Variants in ZC3H13 observed in about 807,000 individuals in gnomAD.
ZC3H13 encodes zinc finger CCCH-type containing 13, also known as zinc finger CCCH domain-containing protein 13.
ZC3H13 carries 64 observed loss-of-function variants against 204.1 expected under a neutral mutation model. The observed-to-expected ratio is 0.31, with a 90% CI of 0.26 to 0.39. The LOEUF is 0.39. ZC3H13 is among the 10% of genes least tolerant of loss of function. ZC3H13 has a pLI of 1.00. For synonymous variants in ZC3H13, 667 were observed against 693.7 expected (o/e 0.96, Z 0.60); for missense variants, 1,833 against 2,082.7 (o/e 0.88, Z 2.33).
At chr13:46,044,196 A>G (rs2043785274) in intron 3 of ZC3H13, among the ~76,000 whole-genome samples, 3 of 151,636 alleles carry the variant, frequency 2.0e-5, no homozygotes, top group African/African-American at 7.3e-5. Context: ...AAAAATTCCA[A>G]TTGCTAATGT....
intron 7 of ZC3H13, among the ~76,000 whole-genome samples, chr13:46,004,907 A>G (rs993100488): frequency 6.6e-5 from 10 of 152,292 alleles, no homozygotes; most frequent in Admixed American, 2.0e-4. Flanking sequence ...AATTTAAGTA[A>G]TTTTAAGTAA....
At chr13:46,010,320 T>G in intron 7 of ZC3H13, 28 bp downstream of exon 7, 1 of 1,518,784 alleles carries the variant, frequency 6.6e-7, no homozygotes. Context: ...AAAGCTATTT[T>G]CTCGATACTA....
chr13:46,014,381 G>A (rs1254860604), intron 5 of ZC3H13, among the ~76,000 whole-genome samples: 2 of 151,976 alleles, frequency 1.3e-5, no homozygotes, highest in South Asian at 2.1e-4. Flanking sequence ...AGGCCCTGGT[G>A]TGTGATGTTC....
intron 12 of ZC3H13, among the ~76,000 whole-genome samples, chr13:45,972,379 G>A (rs1389415754): frequency 6.6e-6 from 1 of 152,082 alleles, no homozygotes; most frequent in Non-Finnish European, 1.5e-5. Context: ...ACCTGTAAGT[G>A]AGAGCTAAGC....
intron 4 of ZC3H13, among the ~76,000 whole-genome samples, chr13:46,039,228 C>G (rs749256166): frequency 1.4e-4 from 21 of 152,122 alleles, no homozygotes; most frequent in Non-Finnish European, 1.9e-4. Context: ...TAACAAAATG[C>G]CAACTTTACT....
chr13:45,992,866 A>C (rs1459702338), intron 8 of ZC3H13, among the ~76,000 whole-genome samples: 1 of 152,082 alleles, frequency 6.6e-6, no homozygotes, highest in Non-Finnish European at 1.5e-5. Flanking sequence ...CTTGCTTCTC[A>C]GGTCTTACAC....
chr13:46,016,600 G>T (rs907763636), intron 5 of ZC3H13, among the ~76,000 whole-genome samples: 1 of 152,010 alleles, frequency 6.6e-6, no homozygotes, highest in Non-Finnish European at 1.5e-5. Flanking sequence ...GTGACTAGAA[G>T]AAAACACAAG....
In ZC3H13 at chr13:46,003,433, T is replaced by C. The variant is rs1431741760; in HGVS notation, c.747-97A>G. On this transcript the variant is annotated intron_variant, in intron 7 of 18. Transcript: ENST00000679008. ...AACAGCAGCGTTCCTTTACATTACT[T>C]GCCCTTTATTATTTTGTATACTACT... The C allele has an allele frequency of 2.6e-6, 3 of 1,145,152 alleles. No individual in the cohort carries two copies. In the African/African-American group the frequency reaches 4.7e-5, roughly 18 times the overall value. The allele number at this position is 1,145,152 out of a possible 1,614,324, so 70.9% of individuals were successfully genotyped here. A position where few individuals can be genotyped will look rare whatever the true frequency, so the allele number is the denominator to read the frequency against.
chr13:46,014,041 A>G (rs547867374), intron 5 of ZC3H13, among the ~76,000 whole-genome samples: 26 of 152,180 alleles, frequency 1.7e-4, no homozygotes, highest in Non-Finnish European at 3.7e-4. Flanking sequence ...CAAATAAAGG[A>G]CATACTCATT....
At position 45,955,996 on chromosome 13, in the gene ZC3H13, A is replaced by G. The variant is rs1333905671; in HGVS notation, c.*1131T>C. The G allele has an allele frequency of 1.3e-5, 2 of 152,112 alleles. No individual in the cohort carries two copies. Among genetic ancestry groups the G allele is most frequent in the Non-Finnish European group, 2.9e-5 (2 of 67,984 alleles). 9.4% of individuals were successfully genotyped at this position (152,112 alleles called of 1,614,324 possible). A position where few individuals can be genotyped will look rare whatever the true frequency, so the allele number is the denominator to read the frequency against. ...GCCTTCTTTTATTATTATCACTACT[A>G]CTGTCTGCTCACAAATTCTGTGGCC... On this transcript the variant is annotated 3_prime_UTR_variant, in exon 19 of 19. Coordinates refer to ENST00000679008, the MANE Select transcript of ZC3H13 (RefSeq NM_001330564.2).
chr13:45,994,704 T>C (rs567418602), intron 8 of ZC3H13, among the ~76,000 whole-genome samples: 5 of 152,272 alleles, frequency 3.3e-5, no homozygotes, highest in African/African-American at 4.8e-5. Context: ...ACAACACACA[T>C]TGGCATAAGA....
At position 45,975,447 on chromosome 13, in the gene ZC3H13, T is replaced by C; in HGVS notation, c.2304A>G (p.Arg768=). ...CTCTTTCTCGTTCCCGTTCTCGCTC[T>C]CGCTCTCTCTCCCGTTCTCGCTCTC... The part of the protein sequence containing the change: ...RERERERERE[R]ERERERERAR... Residue 768 remains arginine, a synonymous_variant, in exon 12 of 19, where the codon CGA becomes CGG. Coordinates refer to ENST00000679008, the MANE Select transcript of ZC3H13 (RefSeq NM_001330564.2). 3 of 1,613,684 alleles carry C rather than the reference T, an allele frequency of 1.9e-6. No individual in the cohort carries two copies.
Position 45,985,484 on chromosome 13 carries a change from T to A in ZC3H13, c.1533A>T (p.Glu511Asp), listed in dbSNP as rs780770816. The A allele has an allele frequency of 6.2e-7, 1 of 1,614,238 alleles. No homozygotes were observed. The highest frequency in any genetic ancestry group is 8.5e-7 in the Non-Finnish European group (1 of 1,180,038). Reference protein sequence around the residue: ...TRDAHDYRDREGRDTHRKEDT... With the variant: ...TRDAHDYRDRDGRDTHRKEDT... ...CCTCCTTTCGATGAGTATCTCGACC[T>A]TCACGGTCCCTGTAGTCATGGGCAT... The change falls in exon 10 of 19, where the codon GAA (glutamate) becomes GAT (aspartate). Residue 511 changes from glutamate (E) to aspartate (D), a missense_variant. Glu to Asp is a conservative substitution (Grantham distance 45, BLOSUM62 2). Coordinates refer to ENST00000679008, the MANE Select transcript of ZC3H13 (RefSeq NM_001330564.2).
At chr13:46,037,336 C>T (rs2043273661) in intron 4 of ZC3H13, among the ~76,000 whole-genome samples, 1 of 152,160 alleles carries the variant, frequency 6.6e-6, no homozygotes, top group Non-Finnish European at 1.5e-5. Flanking sequence ...ACCTCTAACT[C>T]CTAAATTAGG....
chr13:46,051,430 T>A (rs1367978004), intron 1 of ZC3H13, among the ~76,000 whole-genome samples: 1 of 152,198 alleles, frequency 6.6e-6, no homozygotes, highest in Non-Finnish European at 1.5e-5. Context: ...TCTGTTATAA[T>A]CTAAATAGTT....
chr13:46,039,130 G>T (rs1566349675), intron 4 of ZC3H13, among the ~76,000 whole-genome samples: 1 of 152,162 alleles, frequency 6.6e-6, no homozygotes, highest in Non-Finnish European at 1.5e-5. Context: ...GTTGAAATTT[G>T]TAACTCTATC....
At position 45,956,327 on chromosome 13, in the gene ZC3H13, TG is replaced by T. The variant is rs1951272692; in HGVS notation, c.*799del. On this transcript the variant is annotated 3_prime_UTR_variant, in exon 19 of 19. Transcript: ENST00000679008. ...GAAGTACATCAACTCTGTTTAAAGC[TG>T]TCCAACAATAAGGACACAAGCAGTA... 1 of 152,154 alleles carries T rather than the reference TG, an allele frequency of 6.6e-6. No homozygotes were observed. Among genetic ancestry groups the T allele is most frequent in the Non-Finnish European group, 1.5e-5 (1 of 68,002 alleles). 9.4% of individuals were successfully genotyped at this position (152,154 alleles called of 1,614,324 possible). A position where few individuals can be genotyped will look rare whatever the true frequency, so the allele number is the denominator to read the frequency against.
chr13:45,981,189 G>C (rs1369214275), intron 10 of ZC3H13, among the ~76,000 whole-genome samples: 2 of 152,170 alleles, frequency 1.3e-5, no homozygotes, highest in Non-Finnish European at 2.9e-5. Context: ...GAAACTCTGA[G>C]GGCCCTGCCC....
At chr13:45,981,980 G>A (rs1367876959) in intron 10 of ZC3H13, among the ~76,000 whole-genome samples, 1 of 150,156 alleles carries the variant, frequency 6.7e-6, no homozygotes, top group Admixed American at 6.6e-5. Flanking sequence ...TAACTAACCT[G>A]CACATTGTGC....
Sources: allele counts gnomAD v4.1 joint callset (sites outside exome capture counted in the v4.1 genomes callset), GRCh38; gene constraint gnomAD v4.1.1; transcripts MANE v1.5; gene names NCBI Gene and HGNC (gene_info 2026-07-23, HGNC 2026-07-21).